The following GPR161 variants were observed in gnomAD, a reference collection of about 807,000 sequenced individuals.
GPR161 encodes G-protein coupled receptor RE2.
In GPR161, 25 loss-of-function variants were observed where a neutral mutation model predicts 39.2. That is an observed-to-expected ratio of 0.64 (90% CI 0.47 to 0.89). The LOEUF (loss-of-function observed/expected upper bound fraction) is 0.89. GPR161 is among the 40% of genes least tolerant of loss of function. The probability of loss-of-function intolerance (pLI) is 0.00; values close to 1 mark genes in which losing one functional copy is unlikely to be tolerated. For missense variants in GPR161, 547 were observed against 677.8 expected, an observed-to-expected ratio of 0.81 and a Z score of 2.14; for synonymous variants, 286 against 276.6, an observed-to-expected ratio of 1.03 and a Z score of -0.34.
chr1:168,092,350 CAT>C (rs1332081852), intron 3 of GPR161, among the ~76,000 whole-genome samples: 1 of 152,200 alleles, frequency 6.6e-6, no homozygotes, highest in Non-Finnish European at 1.5e-5. Context: ...AAGCCAGGAA[CAT>C]GTCGGTCTGC....
rs750804359 is a variant in GPR161, at chr1:168,098,511, T to C, written c.375-1279A>G. On this transcript the variant is annotated intron_variant, in intron 2 of 5. Transcript: ENST00000682931. This position sits in a 1 kb window ranked among gnomAD's most constrained non-coding sequence, Gnocchi z 4.1. ...TGCCGCCTGGCAGGACGTTGGGAAA[T>C]GACTCTGGCTATGTGCCTCACACAT... is the stretch of plus-strand genomic sequence containing the variant. 2.4e-4 allele frequency among the ~76,000 whole-genome samples: 37 copies of C among 152,324 alleles called. No homozygotes were observed. The highest frequency in any genetic ancestry group is 5.9e-4 in the Admixed American group (9 of 15,304).
At chr1:168,101,174 AATGTGCAGGTTTGTTACAT>A (rs1381830469) in intron 2 of GPR161, among the ~76,000 whole-genome samples, 2 of 151,622 alleles carry the variant, frequency 1.3e-5, no homozygotes, top group Non-Finnish European at 2.9e-5. Flanking sequence ...ACATGTGGAC[AATGTGCAGGTTTGTTACAT>A]ATGTATACAG....
intron 1 of GPR161, among the ~76,000 whole-genome samples, chr1:168,121,593 G>A (rs1284913656): frequency 1.3e-5 from 2 of 152,106 alleles, no homozygotes; most frequent in Non-Finnish European, 2.9e-5. Context: ...CTCACTCAGG[G>A]GAGAGTCTCA....
chr1:168,084,290 G>A lies in GPR161; in HGVS notation c.*1241C>T, dbSNP rs1694275700. On this transcript the variant is annotated 3_prime_UTR_variant, in exon 6 of 6. Transcript: ENST00000682931. ...TGTGCATGAGCAACCACACTCCAAA[G>A]TTATACAAAGGTCGGTCCGTGGGTC... The A allele has an allele frequency of 5.7e-6, 1 of 176,214 alleles. No homozygotes were observed. The highest frequency in any genetic ancestry group is 1.2e-5 in the Non-Finnish European group (1 of 82,004). 10.9% of individuals were successfully genotyped at this position (176,214 alleles called of 1,614,324 possible). A position where few individuals can be genotyped will look rare whatever the true frequency, so the allele number is the denominator to read the frequency against.
chr1:168,091,749 G>C (rs917364463), intron 3 of GPR161, among the ~76,000 whole-genome samples: 1 of 152,138 alleles, frequency 6.6e-6, no homozygotes, highest in African/African-American at 2.4e-5. Flanking sequence ...TCCTCAGAAT[G>C]TTAGGAAAAT....
intron 2 of GPR161, among the ~76,000 whole-genome samples, chr1:168,103,564 T>G (rs2102167789): frequency 6.6e-6 from 1 of 152,212 alleles, no homozygotes; most frequent in South Asian, 2.1e-4. Context: ...CAGTGGACAG[T>G]TCCACTACCA....
At position 168,104,638 on chromosome 1, in the gene GPR161, CAG is replaced by C. The variant is rs759796185; in HGVS notation, c.211_212del (p.Leu71ValfsTer101). The C allele has an allele frequency of 1.9e-6, 3 of 1,614,104 alleles. No individual in the cohort carries two copies. Among genetic ancestry groups the C allele is most frequent in the Non-Finnish European group, 2.5e-6 (3 of 1,179,986 alleles). Reference protein sequence around the residue: ...LSNKFVFSLTLSNFLLSVLVL... With the variant: ...LSNKFVFSLTXSNFLLSVLVL... ...CCAACACGGACAGCAGGAAGTTGGA[CAG>C]AGTCAGGCTGAAGACGAACTTGTTG... On this transcript the variant is annotated frameshift_variant, in exon 2 of 6. Coordinates refer to ENST00000682931, the MANE Select transcript of GPR161 (RefSeq NM_001375883.1). LOFTEE classifies it high-confidence loss of function.
In GPR161 at chr1:168,084,576, T is replaced by C; in HGVS notation, c.*955A>G. The stretch of plus-strand genomic sequence containing the variant: ...TTGTGATAATAGTAACTGTTGCTCT[T>C]GGGAGTGTGCCATGCAGAACTGAGG... On this transcript the variant is annotated 3_prime_UTR_variant, in exon 6 of 6. Transcript: ENST00000682931. 2 of 356,526 alleles carry C rather than the reference T, an allele frequency of 5.6e-6. No individual in the cohort carries two copies. Among genetic ancestry groups the C allele is most frequent in the Non-Finnish European group, 1.1e-5 (2 of 182,768 alleles). The allele number at this position is 356,526 out of a possible 1,614,324, so 22.1% of individuals were successfully genotyped here.
intron 1 of GPR161, among the ~76,000 whole-genome samples, chr1:168,112,214 CTCACGCCT>C (rs1697233209): frequency 6.6e-6 from 1 of 152,080 alleles, no homozygotes; most frequent in African/African-American, 2.4e-5. Context: ...GGCATGGTGG[CTCACGCCT>C]GTAATCCCAG....
Position 168,090,589 on chromosome 1 carries a change from A to T in GPR161, c.1179T>A (p.Thr393=). Residue 393 remains threonine, a synonymous_variant, in exon 4 of 6, where the codon ACT becomes ACA. Coordinates refer to ENST00000682931, the MANE Select transcript of GPR161 (RefSeq NM_001375883.1). ...PLGHSSSTGD[T]GFSCSQDSGT... is the part of the protein sequence containing the mutation. ...CTGAGTCCTGGGAGCAGCTGAAGCC[A>T]GTGTCCCCCGTGCTGCTGCTGTGCC... is the stretch of plus-strand genomic sequence containing the variant. 1 of 1,608,358 alleles carries T rather than the reference A, an allele frequency of 6.2e-7. No homozygotes were observed. Among genetic ancestry groups the T allele is most frequent in the Non-Finnish European group, 8.5e-7 (1 of 1,174,866 alleles).
chr1:168,129,962 A>C (rs1698864349), intron 1 of GPR161, among the ~76,000 whole-genome samples: 1 of 152,098 alleles, frequency 6.6e-6, no homozygotes, highest in Non-Finnish European at 1.5e-5. Flanking sequence ...ATGGGCCCTT[A>C]TTGAGCTCTC....
At chr1:168,099,424 C>T (rs192320652) in intron 2 of GPR161, among the ~76,000 whole-genome samples, 1 of 152,296 alleles carries the variant, frequency 6.6e-6, no homozygotes. Flanking sequence ...TAGTGTACGG[C>T]CGGTTGTGGG....
At chr1:168,136,964 C>G (rs1372985322), upstream of GPR161, 826 of 944,314 alleles carry the variant, frequency 8.7e-4, 1 homozygote, top group South Asian at 1.1e-3. Context: ...CCCCGCCCCC[C>G]CCACGCCCGG....
At chr1:168,134,783 C>G (rs1003243059) in intron 1 of GPR161, 8 of 807,942 alleles carry the variant, frequency 9.9e-6, no homozygotes, top group Admixed American at 2.0e-5. Context: ...GCAGCTGCCC[C>G]CTTACTGGAG....
chr1:168,085,926 G>T (rs985057900), intron 5 of GPR161, 130 bp from the exon 6 acceptor site: 1 of 755,508 alleles, frequency 1.3e-6, no homozygotes, highest in South Asian at 1.9e-5. Flanking sequence ...GGGTTTCAAA[G>T]TTCCATTCCT....
rs34499666 is a variant in GPR161, at chr1:168,104,785, G to A, written c.66C>T (p.Gly22=). ...ACTGGGTGATGATGACGCCCCCTTC[G>A]CCACCCTCCTCCTCAGTGAGATTAC... ...ELSNLTEEEG[G]EGGVIITQFI... is the part of the protein sequence containing the mutation. Residue 22 remains glycine, a synonymous_variant, in exon 2 of 6, where the codon GGC becomes GGT. Transcript: ENST00000682931. 1.4e-3 allele frequency: 2,305 copies of A among 1,613,778 alleles called. 24 individuals are homozygous for A. The African/African-American group carries it at 0.022, about 15-fold the overall frequency.
upstream of GPR161, chr1:168,136,980 C>G: frequency 1.1e-6 from 1 of 872,694 alleles, no homozygotes; most frequent in South Asian, 5.4e-5. Context: ...CCCGGCCGGG[C>G]CCCTCCGGCC....
At chr1:168,116,679 C>G (rs1697659917) in intron 1 of GPR161, among the ~76,000 whole-genome samples, 1 of 152,212 alleles carries the variant, frequency 6.6e-6, no homozygotes, top group South Asian at 2.1e-4. Flanking sequence ...TTCATCCTTC[C>G]CTGGCACTCA....
At chr1:168,119,238 A>ACGTG (rs1558129774) in intron 1 of GPR161, among the ~76,000 whole-genome samples, 34 of 124,116 alleles carry the variant, frequency 2.7e-4, no homozygotes, top group African/African-American at 1.1e-3. Context: ...GTATATATAT[A>ACGTG]TATACACATA....
Sources: gnomAD v4.1 joint callset for allele counts (sites outside exome capture counted in the v4.1 genomes callset) on GRCh38, gnomAD v4.1.1 for gene constraint, Gnocchi (gnomAD v3.1) non-coding constraint, MANE v1.5 for transcripts, NCBI Gene and HGNC (gene_info 2026-07-23, HGNC 2026-07-21) for gene names.